PSMD14: variants seen among roughly 807,000 people sequenced by gnomAD.
PSMD14 encodes the protein ubiquitin C-terminal hydrolase PSMD14.
A neutral mutation model predicts 41.2 loss-of-function variants in PSMD14; 7 were observed. That is an observed-to-expected ratio of 0.17 (90% CI 0.10 to 0.32). The LOEUF (loss-of-function observed/expected upper bound fraction) is 0.32. PSMD14 is among the 10% of genes least tolerant of loss of function. The pLI is 1.00. For missense variants in PSMD14, 139 were observed against 375.6 expected (o/e 0.37, Z 5.21); for synonymous variants, 114 against 122.3 (o/e 0.93, Z 0.45).
Position 161,366,996 on chromosome 2 carries a change from ATGT to A in PSMD14, c.49-477_49-475del, listed in dbSNP as rs375373728. The stretch of plus-strand genomic sequence containing the variant: ...AGCTTCATTAGGTGACATGCAGAGG[ATGT>A]TGTTCACAGCTCTTTCACCCAGGGA... On this transcript the variant is annotated intron_variant, in intron 3 of 11. Transcript: ENST00000409682. 4.0e-4 allele frequency among the ~76,000 whole-genome samples: 61 copies of A among 152,302 alleles called. 1 individual carries two copies. The East Asian group carries it at 8.5e-3, about 21-fold the overall frequency.
chr2:161,368,672 G>A (rs191392487), intron 5 of PSMD14, among the ~76,000 whole-genome samples: 7 of 152,078 alleles, frequency 4.6e-5, no homozygotes, highest in Admixed American at 1.3e-4. Context: ...ATTTTTCCAA[G>A]CGATATTTCT....
At chr2:161,395,332 C>T in intron 10 of PSMD14, 129 bp downstream of exon 10, 6 of 933,586 alleles carry the variant, frequency 6.4e-6, no homozygotes, top group Non-Finnish European at 9.3e-6. Flanking sequence ...ATTTGCTTTG[C>T]AGTTCATCTG....
chr2:161,366,773 CAA>C (rs1459685417), intron 3 of PSMD14, among the ~76,000 whole-genome samples: 2 of 152,074 alleles, frequency 1.3e-5, no homozygotes, highest in African/African-American at 4.8e-5. Flanking sequence ...ATGTTATAGT[CAA>C]GAGAAGTTTG....
intron 3 of PSMD14, among the ~76,000 whole-genome samples, chr2:161,351,840 C>G (rs1683122377): frequency 6.6e-6 from 1 of 152,148 alleles, no homozygotes; most frequent in Non-Finnish European, 1.5e-5. Context: ...CATGGCCACT[C>G]TGCTTACATT....
intron 3 of PSMD14, among the ~76,000 whole-genome samples, chr2:161,322,031 C>T (rs1326307803): frequency 6.6e-6 from 1 of 152,148 alleles, no homozygotes; most frequent in Non-Finnish European, 1.5e-5. Context: ...AGTCTTAGCC[C>T]TCTAATTACC....
In PSMD14 at chr2:161,341,071, G is replaced by A. The variant is rs1682949910; in HGVS notation, c.48+22198G>A. 5.2e-6 allele frequency: 8 copies of A among 1,540,426 alleles called. No homozygotes were observed. The South Asian group carries it at 7.0e-5, about 13-fold the overall frequency. The stretch of plus-strand genomic sequence containing the variant: ...CCTTCGGGCTCCCCCGGTCCCGCAG[G>A]CTCCCCGAGCTCCCCCAGCCCCGCG... On this transcript the variant is annotated intron_variant, in intron 3 of 11. Coordinates refer to ENST00000409682, the MANE Select transcript of PSMD14 (RefSeq NM_005805.6).
At chr2:161,341,866 A>C (rs1432575093) in intron 3 of PSMD14, among the ~76,000 whole-genome samples, 1 of 136,468 alleles carries the variant, frequency 7.3e-6, no homozygotes, top group Non-Finnish European at 1.6e-5. Flanking sequence ...TAAAATTAAA[A>C]AAAATATATA....
At chr2:161,343,005 T>C (rs761687121) in intron 3 of PSMD14, among the ~76,000 whole-genome samples, 15 of 152,228 alleles carry the variant, frequency 9.9e-5, no homozygotes, top group Non-Finnish European at 1.9e-4. Context: ...TTGTGCTATA[T>C]GTTGAAAATC....
chr2:161,329,382 T>C (rs950686873), intron 3 of PSMD14, among the ~76,000 whole-genome samples: 2 of 152,172 alleles, frequency 1.3e-5, no homozygotes, highest in African/African-American at 2.4e-5. Context: ...AGCACTGGCA[T>C]AGTAGTATGC....
At chr2:161,334,306 A>C (rs1017086787) in intron 3 of PSMD14, among the ~76,000 whole-genome samples, 11 of 152,232 alleles carry the variant, frequency 7.2e-5, no homozygotes, top group Non-Finnish European at 1.0e-4. Flanking sequence ...ATTGCACTCC[A>C]GCCTAAGCAA....
chr2:161,328,098 G>A (rs977522559), intron 3 of PSMD14, among the ~76,000 whole-genome samples: 5 of 151,856 alleles, frequency 3.3e-5, no homozygotes, highest in African/African-American at 1.2e-4. Context: ...AAGTCACTTC[G>A]GAGAGCAATT....
intron 3 of PSMD14, 80 bp downstream of exon 3, chr2:161,318,953 T>A (rs1204882676): frequency 7.7e-6 from 9 of 1,166,332 alleles, no homozygotes; most frequent in African/African-American, 1.6e-5. Context: ...AAAGAAATTA[T>A]CCCCAAGAAA....
intron 3 of PSMD14, among the ~76,000 whole-genome samples, chr2:161,348,478 G>A (rs1683075561): frequency 6.6e-6 from 1 of 152,168 alleles, no homozygotes; most frequent in Non-Finnish European, 1.5e-5. Context: ...ATTGAAAATG[G>A]CCCAACTATC....
At chr2:161,318,503 A>C (rs1689169564) in intron 2 of PSMD14, among the ~76,000 whole-genome samples, 1 of 152,170 alleles carries the variant, frequency 6.6e-6, no homozygotes, top group African/African-American at 2.4e-5. Context: ...CTTTTTCTAC[A>C]TTCAGGTACT....
chr2:161,350,020 G>T (rs1404334814), intron 3 of PSMD14, among the ~76,000 whole-genome samples: 1 of 152,168 alleles, frequency 6.6e-6, no homozygotes, highest in Non-Finnish European at 1.5e-5. Flanking sequence ...TGTCCATTTG[G>T]TGAGGGTACT....
At chr2:161,405,289 C>T (rs1683934428) in intron 10 of PSMD14, among the ~76,000 whole-genome samples, 2 of 152,142 alleles carry the variant, frequency 1.3e-5, no homozygotes, top group African/African-American at 4.8e-5. Flanking sequence ...CCTGACTCTC[C>T]CTCTGTTTCC....
intron 10 of PSMD14, among the ~76,000 whole-genome samples, chr2:161,406,643 T>G (rs576625347): frequency 6.6e-6 from 1 of 152,280 alleles, no homozygotes; most frequent in African/African-American, 2.4e-5. Context: ...TGGAATATCT[T>G]AGAATTGAAG....
chr2:161,411,258 G>C (rs373238599), intron 11 of PSMD14, 44 bp from the exon 12 acceptor site: 1 of 1,359,420 alleles, frequency 7.4e-7, no homozygotes, highest in Non-Finnish European at 1.0e-6. Context: ...TTATCTACCA[G>C]TAATATGGTT....
intron 3 of PSMD14, among the ~76,000 whole-genome samples, chr2:161,337,929 C>T (rs187915155): frequency 6.6e-6 from 1 of 151,994 alleles, no homozygotes. Context: ...TTAATTGTTA[C>T]AAGAATTATA....
Sources: allele counts gnomAD v4.1 joint callset (sites outside exome capture counted in the v4.1 genomes callset), GRCh38; gene constraint gnomAD v4.1.1; transcripts MANE v1.5; gene names NCBI Gene and HGNC (gene_info 2026-07-23, HGNC 2026-07-21).